The following PPP2R2C variants were observed in gnomAD, a reference collection of about 807,000 sequenced individuals.
The protein encoded by PPP2R2C is protein phosphatase 2, regulatory subunit B, gamma.
PPP2R2C carries 10 observed loss-of-function variants against 45.3 expected under a neutral mutation model. That is an observed-to-expected ratio of 0.22 (90% CI 0.14 to 0.37). The LOEUF (loss-of-function observed/expected upper bound fraction) is 0.37, where lower values mean the gene tolerates loss of function less well. Ranked by LOEUF, PPP2R2C falls within the 10% of genes least tolerant of loss-of-function variation. The pLI is 1.00. For missense variants in PPP2R2C, 308 were observed against 619.7 expected, an observed-to-expected ratio of 0.50 and a Z score of 5.34; for synonymous variants, 257 against 245.4, an observed-to-expected ratio of 1.05 and a Z score of -0.44.
intron 2 of PPP2R2C, among the ~76,000 whole-genome samples, chr4:6,533,160 A>G (rs775068179): frequency 1.4e-4 from 21 of 152,320 alleles, no homozygotes; most frequent in Non-Finnish European, 2.6e-4. Context: ...AGAATTCACA[A>G]TCATCTCAGG....
intron 2 of PPP2R2C, among the ~76,000 whole-genome samples, chr4:6,514,336 T>C (rs1303205297): frequency 6.6e-6 from 1 of 152,222 alleles, no homozygotes; most frequent in Non-Finnish European, 1.5e-5. Flanking sequence ...TAAGACGAGG[T>C]ACTGCCCAGG....
At chr4:6,546,175 A>C (rs1412772311) in intron 1 of PPP2R2C, among the ~76,000 whole-genome samples, 4 of 152,210 alleles carry the variant, frequency 2.6e-5, no homozygotes, top group African/African-American at 4.8e-5. Context: ...GGTCAGGTTT[A>C]TGGTCAGGAT....
intron 1 of PPP2R2C, among the ~76,000 whole-genome samples, chr4:6,402,961 C>T (rs1219081972): frequency 6.6e-6 from 1 of 152,230 alleles, no homozygotes; most frequent in African/African-American, 2.4e-5. Flanking sequence ...AAGACCAATG[C>T]AGCAGAGGGA....
rs569542587 is a variant in PPP2R2C, at chr4:6,482,661, C to T, written c.49+52610G>A. Among the ~76,000 whole-genome samples the T allele has an allele frequency of 4.6e-5, 7 of 152,312 alleles. No individual in the cohort carries two copies. In the South Asian group the frequency reaches 1.0e-3, roughly 23 times the overall value. ...AGAGCAGATTCTCTTGGATTTTCTACGTAGACAATTATGTCATCTGCAATT... is the reference window on the plus strand; with the variant it reads ...AGAGCAGATTCTCTTGGATTTTCTATGTAGACAATTATGTCATCTGCAATT... On this transcript the variant is annotated intron_variant, in intron 2 of 9. Transcript: ENST00000506140.
chr4:6,444,281 A>T (rs902541824), intron 1 of PPP2R2C, among the ~76,000 whole-genome samples: 3 of 152,174 alleles, frequency 2.0e-5, no homozygotes, highest in Non-Finnish European at 4.4e-5. Flanking sequence ...TCCCGCGGAG[A>T]TCAGGGAGGC....
intron 1 of PPP2R2C, among the ~76,000 whole-genome samples, chr4:6,430,728 C>T (rs1719566485): frequency 2.0e-5 from 3 of 152,098 alleles, no homozygotes; most frequent in African/African-American, 7.2e-5. Context: ...AGTTCCAGAC[C>T]AGCCTGGCCA....
intron 2 of PPP2R2C, among the ~76,000 whole-genome samples, chr4:6,508,164 G>C (rs1723299224): frequency 6.6e-6 from 1 of 152,204 alleles, no homozygotes; most frequent in South Asian, 2.1e-4. Context: ...AGCAGGGCAG[G>C]AGAGCCTGCC....
intron 1 of PPP2R2C, among the ~76,000 whole-genome samples, chr4:6,390,690 G>A (rs1405515726): frequency 1.3e-5 from 2 of 152,224 alleles, no homozygotes; most frequent in South Asian, 2.1e-4. Context: ...CCGGGCCAGG[G>A]AACGGAATAT....
intron 2 of PPP2R2C, among the ~76,000 whole-genome samples, chr4:6,498,033 C>T (rs1248983595): frequency 6.6e-6 from 1 of 152,220 alleles, no homozygotes; most frequent in African/African-American, 2.4e-5. Flanking sequence ...TACAGTAAAG[C>T]TGACGTGCAC....
At chr4:6,557,555 C>T (rs893931215) in intron 1 of PPP2R2C, among the ~76,000 whole-genome samples, 1 of 152,064 alleles carries the variant, frequency 6.6e-6, no homozygotes, top group Non-Finnish European at 1.5e-5. Flanking sequence ...GGGTTAGCAC[C>T]AGGAGCAGAG....
intron 2 of PPP2R2C, among the ~76,000 whole-genome samples, chr4:6,526,620 G>A (rs1467460941): frequency 6.6e-6 from 1 of 152,134 alleles, no homozygotes; most frequent in African/African-American, 2.4e-5. Flanking sequence ...CTGGCCCTGG[G>A]CAGCGAGAAT....
chr4:6,483,158 GAT>G, intron 2 of PPP2R2C, among the ~76,000 whole-genome samples: 1 of 92,586 alleles, frequency 1.1e-5, no homozygotes, highest in Non-Finnish European at 2.3e-5. Context: ...TTGATTGATA[GAT>G]AGACGATAGA....
intron 6 of PPP2R2C, among the ~76,000 whole-genome samples, chr4:6,342,098 ACACACAC>A (rs1369983367): frequency 7.0e-6 from 1 of 142,274 alleles, no homozygotes. Context: ...ACACACACAC[ACACACAC>A]ACACACACAC....
At chr4:6,559,874 G>A (rs1280900301) in intron 1 of PPP2R2C, among the ~76,000 whole-genome samples, 2 of 152,204 alleles carry the variant, frequency 1.3e-5, no homozygotes, top group Non-Finnish European at 2.9e-5. Context: ...CAGGCTATAT[G>A]GTGTTTTGTT....
At chr4:6,553,423 G>A (rs554821502) in intron 1 of PPP2R2C, among the ~76,000 whole-genome samples, 4 of 152,304 alleles carry the variant, frequency 2.6e-5, no homozygotes, top group Admixed American at 1.3e-4. Context: ...CCCCCTATCC[G>A]GGAAGAAACT....
At chr4:6,522,957 G>C (rs1560601457) in intron 2 of PPP2R2C, among the ~76,000 whole-genome samples, 1 of 152,256 alleles carries the variant, frequency 6.6e-6, no homozygotes, top group Non-Finnish European at 1.5e-5. Flanking sequence ...GGCAGGGAGA[G>C]GGGCAGGCCG....
At chr4:6,493,671 A>C (rs1329102592) in intron 2 of PPP2R2C, among the ~76,000 whole-genome samples, 1 of 151,776 alleles carries the variant, frequency 6.6e-6, no homozygotes, top group East Asian at 1.9e-4. Flanking sequence ...CCAGCTCTCC[A>C]CACCCGCAGC....
intron 1 of PPP2R2C, among the ~76,000 whole-genome samples, chr4:6,392,060 C>T (rs989057385): frequency 5.9e-5 from 9 of 152,126 alleles, no homozygotes; most frequent in East Asian, 1.9e-4. Context: ...TAATGAATGG[C>T]GAGTTCTTGT....
chr4:6,557,551 G>C (rs1414031351), intron 1 of PPP2R2C, among the ~76,000 whole-genome samples: 1 of 152,198 alleles, frequency 6.6e-6, no homozygotes, highest in Admixed American at 6.5e-5. Context: ...TGCTGGGTTA[G>C]CACCAGGAGC....
Sources: allele counts gnomAD v4.1 joint callset (sites outside exome capture counted in the v4.1 genomes callset), GRCh38; gene constraint gnomAD v4.1.1; transcripts MANE v1.5; gene names NCBI Gene and HGNC (gene_info 2026-07-23, HGNC 2026-07-21).